Variants in TLN1 observed in about 807,000 individuals in gnomAD.
TLN1 encodes talin-1.
Under a neutral mutation model 292.3 loss-of-function variants are expected in TLN1, and 56 were observed. That is an observed-to-expected ratio of 0.19 (90% CI 0.15 to 0.24). The LOEUF (loss-of-function observed/expected upper bound fraction) is 0.24, where lower values mean the gene tolerates loss of function less well. Among genes scored for constraint, TLN1 ranks in the 10% least tolerant of loss-of-function variants. The pLI, the probability that TLN1 is intolerant of heterozygous loss-of-function variation, is 1.00. For synonymous variants in TLN1, 1,119 were observed against 1,253.7 expected (o/e 0.89, Z 2.27); for missense variants, 2,433 against 3,248.2 (o/e 0.75, Z 6.10).
Position 35,724,259 on chromosome 9 carries a change from T to C in TLN1, c.587A>G (p.Lys196Arg), listed in dbSNP as rs1825928055. 6.2e-7 allele frequency: 1 copy of C among 1,614,126 alleles called. No homozygotes were observed. Among genetic ancestry groups the C allele is most frequent in the Non-Finnish European group, 8.5e-7 (1 of 1,180,018 alleles). The part of the protein sequence containing the change: ...EEHETLLLRR[K>R]FFYSDQNVDS... ...CACATTCTGGTCTGAGTAAAAGAAC[T>C]TCCTCCGCAGCAGCAGCGTCTCGTG... The change falls in exon 6 of 57, where the codon AAG becomes AGG. Residue 196 changes from lysine to arginine, a missense_variant. By Grantham distance (26) the Lys-to-Arg change is conservative. Coordinates refer to ENST00000314888, the MANE Select transcript of TLN1 (RefSeq NM_006289.4). The surrounding 1 kb of genome is among the most constrained non-coding windows in gnomAD (Gnocchi z 4.7).
rs575220713 is a variant in TLN1 at position 35,714,984 on chromosome 9, C to T, written c.2754+75G>A. ...CTCAAGGACGTATTAACTTACTCTC[C>T]GCACCTCCCTTTCAGTTCATTCCTC... is the stretch of plus-strand genomic sequence containing the variant. On this transcript the variant is annotated intron_variant, in intron 21 of 56. Transcript: ENST00000314888. The surrounding 1 kb of genome is among the most constrained non-coding windows in gnomAD (Gnocchi z 4.6). 64 of 1,611,082 alleles carry T rather than the reference C, an allele frequency of 4.0e-5. No homozygotes were observed. The East Asian group carries it at 1.1e-3, about 28-fold the overall frequency.
In TLN1 at chr9:35,714,889, G is replaced by T; in HGVS notation, c.2755-13C>A. 6.3e-7 allele frequency: 1 copy of T among 1,584,818 alleles called. No homozygotes were observed. Among genetic ancestry groups the T allele is most frequent in the Non-Finnish European group, 8.6e-7 (1 of 1,165,472 alleles). On this transcript the variant is annotated splice_polypyrimidine_tract_variant and intron_variant, in intron 21 of 56. Coordinates refer to ENST00000314888, the MANE Select transcript of TLN1 (RefSeq NM_006289.4). This position sits in a 1 kb window ranked among gnomAD's most constrained non-coding sequence, Gnocchi z 4.6. The stretch of plus-strand genomic sequence containing the variant: ...GCTTGGCTGCATGCTGTGAAGACAA[G>T]AGTAGTCAGACCAAGCCCATGGATT...
chr9:35,724,261 C>A lies in TLN1; in HGVS notation c.585G>T (p.Arg195Ser), dbSNP rs779816111. 1 of 1,614,164 alleles carries A rather than the reference C, an allele frequency of 6.2e-7. No individual in the cohort carries two copies. Among genetic ancestry groups the A allele is most frequent in the Non-Finnish European group, 8.5e-7 (1 of 1,180,022 alleles). ...CATTCTGGTCTGAGTAAAAGAACTT[C>A]CTCCGCAGCAGCAGCGTCTCGTGCT... ...VEEHETLLLR[R>S]KFFYSDQNVD... The change falls in exon 6 of 57, where the codon AGG (arginine) becomes AGT (serine). Residue 195 changes from arginine (R) to serine (S), a missense_variant. Arg to Ser is a moderately radical substitution (Grantham distance 110). Coordinates refer to ENST00000314888, the MANE Select transcript of TLN1 (RefSeq NM_006289.4). This position sits in a 1 kb window ranked among gnomAD's most constrained non-coding sequence, Gnocchi z 4.7.
chr9:35,709,843 C>T (rs577210246), intron 33 of TLN1, among the ~76,000 whole-genome samples: 50 of 133,918 alleles, frequency 3.7e-4, no homozygotes, highest in East Asian at 1.3e-3. Context: ...GTCTAGATCG[C>T]GCCACTGCAC....
Position 35,700,098 on chromosome 9 carries a change from A to G in TLN1, c.6661-17T>C. ...AGCTGCTTCCTGTCCCCAGAGTAAT[A>G]TGTTAGCTTTAGGCCCCGCAGATCC... On this transcript the variant is annotated splice_polypyrimidine_tract_variant and intron_variant, in intron 49 of 56. Coordinates refer to ENST00000314888, the MANE Select transcript of TLN1 (RefSeq NM_006289.4). 6.2e-7 allele frequency: 1 copy of G among 1,604,926 alleles called. No homozygotes were observed. The highest frequency in any genetic ancestry group is 8.5e-7 in the Non-Finnish European group (1 of 1,172,986).
chr9:35,720,382 C>G (rs371091140), intron 12 of TLN1, 51 bp downstream of exon 12: 3 of 1,600,312 alleles, frequency 1.9e-6, no homozygotes, highest in Non-Finnish European at 2.6e-6. Flanking sequence ...TAGAGTCAGG[C>G]CTTGCCTTCT....
At position 35,719,130 on chromosome 9, in the gene TLN1, C is replaced by T. The variant is rs878976620; in HGVS notation, c.1840G>A (p.Gly614Ser). 6.2e-7 allele frequency: 1 copy of T among 1,614,158 alleles called. No homozygotes were observed. Among genetic ancestry groups the T allele is most frequent in the Non-Finnish European group, 8.5e-7 (1 of 1,180,034 alleles). Residue 614 changes from glycine (G) to serine (S), a missense_variant, in exon 16 of 57, where the codon GGC becomes AGC. Gly to Ser is a moderately conservative substitution (Grantham distance 56, BLOSUM62 0). Transcript: ENST00000314888. This position sits in a 1 kb window ranked among gnomAD's most constrained non-coding sequence, Gnocchi z 4.6. ...AGTTCTGACACTGCTCCCGCAAGGC[C>T]CTTTGCTGCCTGCAACAGGGGCCGA... ...SGRPLLQAAK[G>S]LAGAVSELLR...
rs200096910 is a variant in TLN1, at chr9:35,720,228, G to C, written c.1284-9C>G. 1 of 1,572,582 alleles carries C rather than the reference G, an allele frequency of 6.4e-7. No homozygotes were observed. The highest frequency in any genetic ancestry group is 1.2e-5 in the South Asian group (1 of 84,050). On this transcript the variant is annotated splice_polypyrimidine_tract_variant and intron_variant, in intron 12 of 56. Transcript: ENST00000314888. Reference sequence around the variant, plus strand: ...GCTGCAGGACTGTTGACCTGTAGAGGGGTGAACTATTGAGCTCACAGAGGA... The same window carrying C: ...GCTGCAGGACTGTTGACCTGTAGAGCGGTGAACTATTGAGCTCACAGAGGA...
intron 9 of TLN1, 33 bp downstream of exon 9, chr9:35,722,086 C>T (rs1283779134): frequency 3.2e-6 from 5 of 1,581,730 alleles, no homozygotes; most frequent in African/African-American, 2.7e-5. Context: ...GAGTGGGAAA[C>T]AAGGAGGGCA....
intron 9 of TLN1, 94 bp downstream of exon 9, chr9:35,722,025 G>A (rs1401924116): frequency 1.6e-6 from 2 of 1,259,042 alleles, no homozygotes; most frequent in Non-Finnish European, 2.3e-6. Flanking sequence ...GGAATGGTGG[G>A]AGATGTGACT....
chr9:35,699,759 AGAG>A lies in TLN1; in HGVS notation c.6768+212_6768+214del, dbSNP rs1029026989. The stretch of plus-strand genomic sequence containing the variant: ...GGTGGGAAGGGAGGAGAAAAGAAAA[AGAG>A]GAAGAGGAAGAGGTGACTGGGAGAA... On this transcript the variant is annotated intron_variant, in intron 50 of 56. Coordinates refer to ENST00000314888, the MANE Select transcript of TLN1 (RefSeq NM_006289.4). This position sits in a 1 kb window ranked among gnomAD's most constrained non-coding sequence, Gnocchi z 4.0. 2.3e-6 allele frequency: 2 copies of A among 863,034 alleles called. No homozygotes were observed. The highest frequency in any genetic ancestry group is 2.8e-6 in the Non-Finnish European group (2 of 718,594). 53.5% of individuals were successfully genotyped at this position (863,034 alleles called of 1,614,324 possible).
At chr9:35,722,765 G>A in intron 8 of TLN1, 96 bp downstream of exon 8, 3 of 1,290,444 alleles carry the variant, frequency 2.3e-6, no homozygotes, top group South Asian at 2.4e-5. Context: ...AGCCAAGTTA[G>A]GGGAGACGGG....
In TLN1 at chr9:35,704,560, A is replaced by G; in HGVS notation, c.5881-62T>C. 1.1e-5 allele frequency: 17 copies of G among 1,583,134 alleles called. 1 individual carries two copies. Among genetic ancestry groups the G allele is most frequent in the Non-Finnish European group, 1.4e-5 (16 of 1,162,844 alleles). The stretch of plus-strand genomic sequence containing the variant: ...GCCATGTGAAATGGAAAGGTTGCCC[A>G]TGCCTGGGAGAAGTGACAACAGGAG... On this transcript the variant is annotated intron_variant, in intron 44 of 56. Transcript: ENST00000314888. The surrounding 1 kb of genome is among the most constrained non-coding windows in gnomAD (Gnocchi z 6.9).
chr9:35,722,115 C>T lies in TLN1; in HGVS notation c.948+4G>A. The T allele has an allele frequency of 6.2e-7, 1 of 1,613,194 alleles. No individual in the cohort carries two copies. ...GAGGGCAGTGAAAAGGGCCCATAAC[C>T]TACCTTCACCAGGAAGAAGGAGACA... On this transcript the variant is annotated splice_donor_region_variant and intron_variant, in intron 9 of 56. Transcript: ENST00000314888.
chr9:35,706,647 C>T lies in TLN1; in HGVS notation c.5089-96G>A, dbSNP rs1825570423. The T allele has an allele frequency of 6.3e-7, 1 of 1,583,664 alleles. No individual in the cohort carries two copies. Among genetic ancestry groups the T allele is most frequent in the African/African-American group, 1.3e-5 (1 of 74,478 alleles). ...TTCTGTCCATACCAAATACCCTAACCCTCCTTCGCACATCCCAGCCTTTGA... is the reference window on the plus strand; with the variant it reads ...TTCTGTCCATACCAAATACCCTAACTCTCCTTCGCACATCCCAGCCTTTGA... On this transcript the variant is annotated intron_variant, in intron 38 of 56. Coordinates refer to ENST00000314888, the MANE Select transcript of TLN1 (RefSeq NM_006289.4). This position sits in a 1 kb window ranked among gnomAD's most constrained non-coding sequence, Gnocchi z 4.2.
chr9:35,711,789 G>A lies in TLN1; in HGVS notation c.3685C>T (p.Pro1229Ser), dbSNP rs1825674178. 1 of 1,613,984 alleles carries A rather than the reference G, an allele frequency of 6.2e-7. No individual in the cohort carries two copies. Among genetic ancestry groups the A allele is most frequent in the East Asian group, 2.2e-5 (1 of 44,886 alleles). ...TCTTGAAATGTCCCAGTGCTAGGAGGAAGCTGCAAGGTGAGAGGGGAAGTC... is the reference window on the plus strand; with the variant it reads ...TCTTGAAATGTCCCAGTGCTAGGAGAAAGCTGCAAGGTGAGAGGGGAAGTC... Reference protein sequence around the residue: ...ASKRLLSDSLPPSTGTFQEAQ... With the variant: ...ASKRLLSDSLSPSTGTFQEAQ... Residue 1229 changes from proline to serine, a missense_variant, in exon 29 of 57, where the codon CCT becomes TCT. This residue lies in a region of TLN1 where 1,384 missense variants were observed against 1,699.6 expected (regional missense o/e 0.81). Coordinates refer to ENST00000314888, the MANE Select transcript of TLN1 (RefSeq NM_006289.4).
In TLN1 at chr9:35,706,398, C is replaced by A; in HGVS notation, c.5191-32G>T. On this transcript the variant is annotated intron_variant, in intron 39 of 56. Coordinates refer to ENST00000314888, the MANE Select transcript of TLN1 (RefSeq NM_006289.4). This position sits in a 1 kb window ranked among gnomAD's most constrained non-coding sequence, Gnocchi z 4.2. The stretch of plus-strand genomic sequence containing the variant: ...CAAGGGGTTGGACTAGGGGTCAGGT[C>A]CCCTCTCTCTCACCCTACTCCCTGG... 2 of 1,612,616 alleles carry A rather than the reference C, an allele frequency of 1.2e-6. No homozygotes were observed. The highest frequency in any genetic ancestry group is 1.7e-6 in the Non-Finnish European group (2 of 1,179,166).
At position 35,712,903 on chromosome 9, in the gene TLN1, G is replaced by A. The variant is rs1434972077; in HGVS notation, c.3493C>T (p.Leu1165Phe). ...GCTGCCTTTTTCGCCTCCTCAATGAGGCTGCTGGCCTTGTCCAGCACATCA... is the reference window on the plus strand; with the variant it reads ...GCTGCCTTTTTCGCCTCCTCAATGAAGCTGCTGGCCTTGTCCAGCACATCA... ...ASDVLDKASSLIEEAKKAAGH... is the reference protein window; with the variant it reads ...ASDVLDKASSFIEEAKKAAGH... The change falls in exon 27 of 57, where the codon CTC becomes TTC. Residue 1165 changes from leucine to phenylalanine, a missense_variant. Transcript: ENST00000314888. 2 of 1,604,542 alleles carry A rather than the reference G, an allele frequency of 1.2e-6. No individual in the cohort carries two copies. The highest frequency in any genetic ancestry group is 1.7e-6 in the Non-Finnish European group (2 of 1,175,422).
At position 35,706,727 on chromosome 9, in the gene TLN1, C is replaced by A; in HGVS notation, c.5088+41G>T. ...CAGCTTCTTTGAGTCTGATATTTCTCTTCCTAGACACATCTTTCCATATAA... is the reference window on the plus strand; with the variant it reads ...CAGCTTCTTTGAGTCTGATATTTCTATTCCTAGACACATCTTTCCATATAA... On this transcript the variant is annotated intron_variant, in intron 38 of 56. Transcript: ENST00000314888. The surrounding 1 kb of genome is among the most constrained non-coding windows in gnomAD (Gnocchi z 4.2). The A allele has an allele frequency of 6.2e-7, 1 of 1,604,126 alleles. No individual in the cohort carries two copies. Among genetic ancestry groups the A allele is most frequent in the Non-Finnish European group, 8.5e-7 (1 of 1,175,324 alleles).
Sources: gnomAD v4.1 joint callset for allele counts (sites outside exome capture counted in the v4.1 genomes callset) on GRCh38, gnomAD v4.1.1 for gene constraint, gnomAD v4.1.1 regional missense constraint, Gnocchi (gnomAD v3.1) non-coding constraint, MANE v1.5 for transcripts, NCBI Gene and HGNC (gene_info 2026-07-23, HGNC 2026-07-21) for gene names.